Variants in PAQR5 observed in about 807,000 individuals in gnomAD.
PAQR5 encodes the protein progestin and adipoQ receptor family member 5.
In PAQR5, 20 loss-of-function variants were observed where a neutral mutation model predicts 34.5. The observed-to-expected ratio is 0.58, with a 90% CI of 0.41 to 0.84. The LOEUF is 0.84. Among genes scored for constraint, PAQR5 ranks in the 40% least tolerant of loss-of-function variants. The pLI, the probability that PAQR5 is intolerant of heterozygous loss-of-function variation, is 0.00. For synonymous variants in PAQR5, 131 were observed against 155.6 expected (o/e 0.84, Z 1.18); for missense variants, 378 against 412.7 (o/e 0.92, Z 0.73).
intron 1 of PAQR5, among the ~76,000 whole-genome samples, chr15:69,335,435 G>C (rs543310321): frequency 6.6e-6 from 1 of 151,318 alleles, no homozygotes; most frequent in East Asian, 2.0e-4. Flanking sequence ...AGTAGAGAAG[G>C]GGTTTCTCCA....
chr15:69,344,306 G>T (rs2054713031), intron 2 of PAQR5, among the ~76,000 whole-genome samples: 1 of 152,146 alleles, frequency 6.6e-6, no homozygotes, highest in African/African-American at 2.4e-5. Flanking sequence ...GGCCTCTTTG[G>T]GGTATACCAT....
chr15:69,399,481 G>C (rs2056555490), intron 7 of PAQR5, among the ~76,000 whole-genome samples: 1 of 152,200 alleles, frequency 6.6e-6, no homozygotes, highest in Non-Finnish European at 1.5e-5. Flanking sequence ...TCAACAGGAG[G>C]CTATTAGTAA....
At chr15:69,322,588 G>A (rs770943980) in intron 1 of PAQR5, among the ~76,000 whole-genome samples, 2 of 142,606 alleles carry the variant, frequency 1.4e-5, no homozygotes, top group African/African-American at 5.4e-5. Context: ...CTAGGAGGTC[G>A]AGGCTGCAGT....
In PAQR5 at chr15:69,363,534, C is replaced by CTT. The variant is rs1567021721; in HGVS notation, c.51+3404_51+3405insTT. Among the ~76,000 whole-genome samples the CTT allele has an allele frequency of 3.8e-5, 4 of 105,268 alleles. 1 individual carries two copies. The highest frequency in any genetic ancestry group is 6.5e-4 in the East Asian group (2 of 3,068). The allele number at this position is 105,268 out of a possible 152,430, so 69.1% of individuals were successfully genotyped here. ...GAACATCGAGTGTCAAATTGCTAATCTGTTTTTTGTTTTTGTTTTTTTTTT... is the reference window on the plus strand; with the variant it reads ...GAACATCGAGTGTCAAATTGCTAATCTTTGTTTTTTGTTTTTGTTTTTTTTTT... On this transcript the variant is annotated intron_variant, in intron 3 of 8. Transcript: ENST00000395407.
chr15:69,372,498 G>A (rs1385015570), intron 3 of PAQR5, among the ~76,000 whole-genome samples: 2 of 152,166 alleles, frequency 1.3e-5, no homozygotes, highest in Non-Finnish European at 2.9e-5. Context: ...AGCCAAGATC[G>A]TGCCACTGCA....
chr15:69,401,149 G>A (rs2056614995), intron 8 of PAQR5: 1 of 152,300 alleles, frequency 6.6e-6, no homozygotes, highest in South Asian at 2.1e-4. Context: ...CTCTGGCTCT[G>A]GGACTGGCTA....
chr15:69,307,097 TA>T (rs1453185066), intron 1 of PAQR5, among the ~76,000 whole-genome samples: 9 of 38,758 alleles, frequency 2.3e-4, no homozygotes, highest in East Asian at 1.0e-3. Flanking sequence ...ATATACATCA[TA>T]TTTTTTTTTT....
At chr15:69,367,484 C>A (rs1280202381) in intron 3 of PAQR5, among the ~76,000 whole-genome samples, 3 of 152,182 alleles carry the variant, frequency 2.0e-5, no homozygotes, top group Non-Finnish European at 4.4e-5. Context: ...CACTACATAG[C>A]TAAGTGGTCA....
chr15:69,337,091 C>A (rs1439368221), intron 1 of PAQR5, among the ~76,000 whole-genome samples: 2 of 152,196 alleles, frequency 1.3e-5, no homozygotes, highest in Non-Finnish European at 2.9e-5. Context: ...TTCTAGGACT[C>A]TCGTGGAGAG....
At chr15:69,353,717 G>A (rs779848108) in intron 2 of PAQR5, among the ~76,000 whole-genome samples, 8 of 152,164 alleles carry the variant, frequency 5.3e-5, no homozygotes, top group Non-Finnish European at 8.8e-5. Context: ...GAGGTGGGGG[G>A]CACCACTCAC....
rs111647955 is a variant in PAQR5, at chr15:69,339,168, A to ACCCCCCCCCCCCCCCCC, written c.-116+1668_-116+1669insCCCCCCCCCCCCCCCCC. Reference sequence around the variant, plus strand: ...AGTCACCACTCCTGGCCCACTGGCTACACCCCCCACCCCGCCACCAAGTTA... The same window carrying ACCCCCCCCCCCCCCCCC: ...AGTCACCACTCCTGGCCCACTGGCTACCCCCCCCCCCCCCCCCCACCCCCCACCCCGCCACCAAGTTA... On this transcript the variant is annotated intron_variant, in intron 2 of 8. Coordinates refer to ENST00000395407, the MANE Select transcript of PAQR5 (RefSeq NM_017705.4). 1.5e-4 allele frequency among the ~76,000 whole-genome samples: 20 copies of ACCCCCCCCCCCCCCCCC among 134,150 alleles called. 2 individuals are homozygous for ACCCCCCCCCCCCCCCCC. Among genetic ancestry groups the ACCCCCCCCCCCCCCCCC allele is most frequent in the Non-Finnish European group, 2.7e-4 (16 of 60,292 alleles). The allele number at this position is 134,150 out of a possible 152,430, so 88.0% of individuals were successfully genotyped here.
intron 3 of PAQR5, among the ~76,000 whole-genome samples, chr15:69,375,814 T>G (rs569119698): frequency 2.6e-5 from 4 of 152,216 alleles, no homozygotes; most frequent in Admixed American, 1.3e-4. Flanking sequence ...GAATAGCGCC[T>G]GAGGTCCCCT....
chr15:69,395,047 A>G (rs2056378545), intron 6 of PAQR5, among the ~76,000 whole-genome samples: 1 of 152,240 alleles, frequency 6.6e-6, no homozygotes, highest in African/African-American at 2.4e-5. Flanking sequence ...AGCCACAGCC[A>G]GATTTCTTCG....
At chr15:69,305,025 A>C in intron 1 of PAQR5, among the ~76,000 whole-genome samples, 1 of 152,302 alleles carries the variant, frequency 6.6e-6, no homozygotes, top group South Asian at 2.1e-4. Flanking sequence ...CCTCTGCCTC[A>C]GTTTCCTCTT....
At position 69,401,947 on chromosome 15, in the gene PAQR5, G is replaced by T. The variant is rs111824613; in HGVS notation, c.752-1634G>T. On this transcript the variant is annotated intron_variant, in intron 8 of 8. Transcript: ENST00000395407. ...GGGATCTCACTGTGTTGCCCAGGCT[G>T]GTCTCAAAACTCCTGGGTTCAAGCA... Among the ~76,000 whole-genome samples, 1,397 of 152,250 alleles carry T rather than the reference G, an allele frequency of 9.2e-3. 17 individuals are homozygous for T. Among genetic ancestry groups the T allele is most frequent in the African/African-American group, 0.031 (1,276 of 41,542 alleles).
chr15:69,327,301 T>C (rs2054276110), intron 1 of PAQR5, among the ~76,000 whole-genome samples: 1 of 152,160 alleles, frequency 6.6e-6, no homozygotes, highest in South Asian at 2.1e-4. Flanking sequence ...ACATGCGGAT[T>C]GTTTTGTAAA....
chr15:69,350,549 G>T (rs1019547514), intron 2 of PAQR5, among the ~76,000 whole-genome samples: 1 of 152,064 alleles, frequency 6.6e-6, no homozygotes, highest in Non-Finnish European at 1.5e-5. Flanking sequence ...AGGCTGAGGC[G>T]CAAGAATCGC....
chr15:69,391,893 C>T, intron 6 of PAQR5: 1 of 379,872 alleles, frequency 2.6e-6, no homozygotes, highest in Non-Finnish European at 5.3e-6. Flanking sequence ...CCTGTCTCCA[C>T]TAAAAATACG....
intron 1 of PAQR5, among the ~76,000 whole-genome samples, chr15:69,319,920 G>C (rs911813786): frequency 6.6e-6 from 1 of 152,168 alleles, no homozygotes; most frequent in African/African-American, 2.4e-5. Context: ...TCTTCTCTGG[G>C]TCTCCTTCCT....
Sources: gnomAD v4.1 joint callset for allele counts (sites outside exome capture counted in the v4.1 genomes callset) on GRCh38, gnomAD v4.1.1 for gene constraint, MANE v1.5 for transcripts, NCBI Gene and HGNC (gene_info 2026-07-23, HGNC 2026-07-21) for gene names.